Variants in PDZRN3 observed in about 807,000 individuals in gnomAD.
PDZRN3 encodes E3 ubiquitin-protein ligase PDZRN3.
PDZRN3 carries 38 observed loss-of-function variants against 85.7 expected under a neutral mutation model. The ratio of observed to expected loss-of-function variants is 0.44; its 90% confidence interval spans 0.34 to 0.58. The LOEUF (loss-of-function observed/expected upper bound fraction) is 0.58, where lower values mean the gene tolerates loss of function less well. Among genes scored for constraint, PDZRN3 ranks in the 20% least tolerant of loss-of-function variants. PDZRN3 has a pLI of 0.01. For missense variants in PDZRN3, 1,629 were observed against 1,506.4 expected (o/e 1.08, Z -1.35); for synonymous variants, 759 against 638.0 (o/e 1.19, Z -2.86).
At chr3:73,542,735 T>C (rs529236451) in intron 3 of PDZRN3, among the ~76,000 whole-genome samples, 26 of 151,508 alleles carry the variant, frequency 1.7e-4, no homozygotes, top group Non-Finnish European at 2.8e-4. Context: ...GATCACACCA[T>C]TGCACTCCAG....
Position 73,391,036 on chromosome 3 carries a change from A to C in PDZRN3, c.1335T>G (p.Ile445Met), listed in dbSNP as rs1425174225. Residue 445 changes from isoleucine to methionine, a missense_variant, in exon 6 of 10, where the codon ATT (isoleucine) becomes ATG (methionine). By Grantham distance (10) the Ile-to-Met change is conservative. Coordinates refer to ENST00000263666, the MANE Select transcript of PDZRN3 (RefSeq NM_015009.3). ...VCYRTDDEDD[I>M]GIYISEIDPN... is the part of the protein sequence containing the mutation. ...TTTGTACCTCACTGATATAAATCCCAATGTCGTCTTCATCGTCCGTCCGGT... is the reference window on the plus strand; with the variant it reads ...TTTGTACCTCACTGATATAAATCCCCATGTCGTCTTCATCGTCCGTCCGGT... The C allele has an allele frequency of 1.2e-6, 2 of 1,612,376 alleles. No individual in the cohort carries two copies. Among genetic ancestry groups the C allele is most frequent in the Non-Finnish European group, 1.7e-6 (2 of 1,178,644 alleles).
intron 1 of PDZRN3, among the ~76,000 whole-genome samples, chr3:73,613,780 A>C (rs1205905916): frequency 6.6e-6 from 1 of 152,118 alleles, no homozygotes; most frequent in African/African-American, 2.4e-5. Flanking sequence ...TCTGGAGCCC[A>C]GTGACATCTG....
At position 73,383,330 on chromosome 3, in the gene PDZRN3, T is replaced by A; in HGVS notation, c.*35A>T. ...GCAGGAATTTCTACCCCAGTGGTAG[T>A]GGTCTCCTTTATGTACATAATGCAG... is the stretch of plus-strand genomic sequence containing the variant. On this transcript the variant is annotated 3_prime_UTR_variant, in exon 10 of 10. Transcript: ENST00000263666. The A allele has an allele frequency of 6.5e-7, 1 of 1,539,374 alleles. No individual in the cohort carries two copies. Among genetic ancestry groups the A allele is most frequent in the Non-Finnish European group, 8.8e-7 (1 of 1,141,980 alleles).
At chr3:73,512,546 G>A (rs1439423753) in intron 3 of PDZRN3, among the ~76,000 whole-genome samples, 6 of 150,418 alleles carry the variant, frequency 4.0e-5, no homozygotes, top group Non-Finnish European at 7.4e-5. Context: ...TTTTTTTTCC[G>A]GGGAGAAGGA....
At chr3:73,572,076 T>A (rs965616046) in intron 3 of PDZRN3, among the ~76,000 whole-genome samples, 2 of 152,258 alleles carry the variant, frequency 1.3e-5, no homozygotes, top group African/African-American at 4.8e-5. Flanking sequence ...TTTCATTTGG[T>A]ACCTTTCTTT....
chr3:73,500,841 C>T (rs1027018673), intron 3 of PDZRN3, among the ~76,000 whole-genome samples: 1 of 152,204 alleles, frequency 6.6e-6, no homozygotes, highest in African/African-American at 2.4e-5. Flanking sequence ...TTCATTTCTT[C>T]ACACAGCCTA....
intron 8 of PDZRN3, among the ~76,000 whole-genome samples, chr3:73,386,226 C>CTTTTTGTTTTT (rs1701381994): frequency 1.1e-5 from 1 of 90,730 alleles, no homozygotes; most frequent in Non-Finnish European, 2.1e-5. Context: ...CAAGATATCA[C>CTTTTTGTTTTT]TTTTTTTTTT....
At chr3:73,407,914 C>A in intron 3 of PDZRN3, 1 of 562,488 alleles carries the variant, frequency 1.8e-6, no homozygotes, top group South Asian at 2.3e-5. Flanking sequence ...TCCATACTGC[C>A]CAGGTTACAG....
Position 73,384,190 on chromosome 3 carries a change from T to C in PDZRN3, c.2376A>G (p.Glu792=). ...AAEGISCPSS[E]GAVGTTEAYG... is the part of the protein sequence containing the mutation. ...AGGCTTCCGTGGTCCCCACAGCCCC[T>C]TCGCTGCTCGGGCAGCTGATGCCCT... The change falls in exon 10 of 10, where the codon GAA becomes GAG. Residue 792 remains glutamate (E), a synonymous_variant. Transcript: ENST00000263666. The C allele has an allele frequency of 4.3e-6, 7 of 1,614,016 alleles. No homozygotes were observed. The highest frequency in any genetic ancestry group is 1.3e-5 in the African/African-American group (1 of 75,064).
At chr3:73,564,754 C>T (rs186546790) in intron 3 of PDZRN3, among the ~76,000 whole-genome samples, 26 of 152,302 alleles carry the variant, frequency 1.7e-4, no homozygotes, top group Admixed American at 9.8e-4. Context: ...CAAATGTGAG[C>T]TAGAATGCTA....
rs201486102 is a variant in PDZRN3 at position 73,383,650 on chromosome 3, G to A, written c.2916C>T (p.Tyr972=). 1 of 1,613,054 alleles carries A rather than the reference G, an allele frequency of 6.2e-7. No individual in the cohort carries two copies. Among genetic ancestry groups the A allele is most frequent in the Non-Finnish European group, 8.5e-7 (1 of 1,180,042 alleles). ...GCTGCTTCCTCTCCTCCTTGCTCCA[G>A]TAGCGCCCCATCTTCATCTCGCTCA... ...DAVSEMKMGR[Y]WSKEERKQHL... is the part of the protein sequence containing the mutation. The change falls in exon 10 of 10, where the codon TAC becomes TAT. Residue 972 remains tyrosine (Y), a synonymous_variant. Coordinates refer to ENST00000263666, the MANE Select transcript of PDZRN3 (RefSeq NM_015009.3).
chr3:73,391,199 T>A, intron 5 of PDZRN3, 83 bp from the exon 6 acceptor site: 1 of 853,932 alleles, frequency 1.2e-6, no homozygotes, highest in Non-Finnish European at 2.0e-6. Flanking sequence ...AAATATTATC[T>A]TCAAATGAGG....
intron 5 of PDZRN3, among the ~76,000 whole-genome samples, chr3:73,400,281 C>A (rs1701722729): frequency 6.6e-6 from 1 of 152,160 alleles, no homozygotes; most frequent in Non-Finnish European, 1.5e-5. Flanking sequence ...TTTTCTATCA[C>A]CCTTAATAAA....
At chr3:73,390,891 G>C in intron 6 of PDZRN3, 127 bp downstream of exon 6, 1 of 659,724 alleles carries the variant, frequency 1.5e-6, no homozygotes, top group Non-Finnish European at 2.7e-6. Flanking sequence ...AGTGTGATGA[G>C]GGGGACAGAA....
chr3:73,578,296 G>A (rs1350921233), intron 3 of PDZRN3, among the ~76,000 whole-genome samples: 1 of 151,782 alleles, frequency 6.6e-6, no homozygotes, highest in Non-Finnish European at 1.5e-5. Flanking sequence ...CAGCCTCCGA[G>A]TAGCTGGGAC....
chr3:73,624,458 C>T lies in PDZRN3; in HGVS notation c.368G>A (p.Arg123Gln). Reference sequence around the variant, plus strand: ...GCGCATGTGCGCCTCCACGTCGCGCCGCAGCAGCACCTGGCCGCAACCCGC... The same window carrying T: ...GCGCATGTGCGCCTCCACGTCGCGCTGCAGCAGCACCTGGCCGCAACCCGC... The part of the protein sequence containing the change: ...RHAGCGQVLL[R>Q]RDVEAHMRDA... The change falls in exon 1 of 10, where the codon CGG becomes CAG. Residue 123 changes from arginine to glutamine, a missense_variant. Physicochemically the swap from Arg to Gln is conservative, Grantham distance 43. Coordinates refer to ENST00000263666, the MANE Select transcript of PDZRN3 (RefSeq NM_015009.3). The T allele has an allele frequency of 7.4e-7, 1 of 1,356,202 alleles. No individual in the cohort carries two copies. The highest frequency in any genetic ancestry group is 4.0e-5 in the Admixed American group (1 of 24,794). The allele number at this position is 1,356,202 out of a possible 1,614,324, so 84.0% of individuals were successfully genotyped here. A position where few individuals can be genotyped will look rare whatever the true frequency, so the allele number is the denominator to read the frequency against.
intron 3 of PDZRN3, among the ~76,000 whole-genome samples, chr3:73,460,469 A>G (rs1028809634): frequency 2.0e-5 from 3 of 152,208 alleles, no homozygotes; most frequent in Non-Finnish European, 2.9e-5. Context: ...ACTACCAACA[A>G]TCTTAAGCCT....
chr3:73,548,890 G>A (rs1037011932), intron 3 of PDZRN3, among the ~76,000 whole-genome samples: 1 of 152,200 alleles, frequency 6.6e-6, no homozygotes, highest in African/African-American at 2.4e-5. Flanking sequence ...TGTTACAAAG[G>A]CAGTCATGAG....
intron 3 of PDZRN3, among the ~76,000 whole-genome samples, chr3:73,506,908 AAC>A (rs1353180320): frequency 1.3e-5 from 2 of 150,874 alleles, no homozygotes; most frequent in Non-Finnish European, 1.5e-5. Context: ...AAAAAAAAAA[AAC>A]AAAAAAACAA....
Sources: allele counts gnomAD v4.1 joint callset (sites outside exome capture counted in the v4.1 genomes callset), GRCh38; gene constraint gnomAD v4.1.1; transcripts MANE v1.5; gene names NCBI Gene and HGNC (gene_info 2026-07-23, HGNC 2026-07-21).